The following STK33 variants were observed in gnomAD, a reference collection of about 807,000 sequenced individuals.
STK33 encodes serine/threonine kinase 33, also known as serine/threonine-protein kinase 33.
Under a neutral mutation model 58.0 loss-of-function variants are expected in STK33, and 52 were observed. The ratio of observed to expected loss-of-function variants is 0.90; its 90% CI spans 0.72 to 1.13. The LOEUF (loss-of-function observed/expected upper bound fraction) is 1.13, where lower values mean the gene tolerates loss of function less well. Ranked by LOEUF, STK33 falls within the 50% of genes most tolerant of loss-of-function variation. The probability of loss-of-function intolerance (pLI) is 0.00; values close to 1 mark genes in which losing one functional copy is unlikely to be tolerated. For missense variants in STK33, 630 were observed against 604.2 expected, an observed-to-expected ratio of 1.04 and a Z score of -0.45; for synonymous variants, 215 against 200.1, an observed-to-expected ratio of 1.07 and a Z score of -0.63.
chr11:8,546,060 T>C (rs956262638), intron 1 of STK33, among the ~76,000 whole-genome samples: 9 of 152,104 alleles, frequency 5.9e-5, no homozygotes, highest in Non-Finnish European at 1.3e-4. Context: ...ATAGAAAAGG[T>C]ATAGTAAAAA....
chr11:8,458,392 G>T (rs1276195876), intron 8 of STK33, among the ~76,000 whole-genome samples: 1 of 149,486 alleles, frequency 6.7e-6, no homozygotes, highest in Non-Finnish European at 1.5e-5. Flanking sequence ...CAACCATTTG[G>T]AAATGCAGAA....
At chr11:8,423,256 T>C (rs964448381) in intron 14 of STK33, among the ~76,000 whole-genome samples, 2 of 151,916 alleles carry the variant, frequency 1.3e-5, no homozygotes, top group African/African-American at 4.8e-5. Flanking sequence ...TTCTATTTAG[T>C]TGATTTTCGC....
At chr11:8,587,546 A>G (rs2031894871) in intron 1 of STK33, among the ~76,000 whole-genome samples, 1 of 151,460 alleles carries the variant, frequency 6.6e-6, no homozygotes, top group East Asian at 1.9e-4. Flanking sequence ...CCACGGCTCA[A>G]CTGGATCACA....
intron 9 of STK33, among the ~76,000 whole-genome samples, chr11:8,457,004 CA>C (rs1384601939): frequency 1.3e-5 from 2 of 151,854 alleles, no homozygotes; most frequent in South Asian, 4.2e-4. Flanking sequence ...TCTACAAAGA[CA>C]AAAAAATGCC....
the STK33 span, among the ~76,000 whole-genome samples, chr11:8,338,243 G>T: frequency 6.6e-6 from 1 of 152,122 alleles, no homozygotes; most frequent in South Asian, 2.1e-4. Context: ...AGCCTCCAGA[G>T]GGCGCCACAC....
the STK33 span, among the ~76,000 whole-genome samples, chr11:8,335,500 G>T: frequency 6.6e-6 from 1 of 152,112 alleles, no homozygotes; most frequent in African/African-American, 2.4e-5. Context: ...AGGCAAGTCT[G>T]GTCTCTCCTG....
intron 1 of STK33, among the ~76,000 whole-genome samples, chr11:8,524,039 CAT>C (rs774457680): frequency 3.3e-5 from 5 of 152,200 alleles, no homozygotes; most frequent in Non-Finnish European, 5.9e-5. Context: ...CTCTCTGAAA[CAT>C]GTGCTGTGTC....
downstream of STK33, among the ~76,000 whole-genome samples, chr11:8,387,239 G>A (rs1348138486): frequency 6.6e-6 from 1 of 152,220 alleles, no homozygotes; most frequent in East Asian, 1.9e-4. Flanking sequence ...AGGTGTTTGT[G>A]AGTTGCTCGG....
chr11:8,370,571 C>T, the STK33 span, among the ~76,000 whole-genome samples: 12 of 152,306 alleles, frequency 7.9e-5, no homozygotes, highest in African/African-American at 2.9e-4. Context: ...GAGGGCAGCA[C>T]TGGGCCCAAA....
intron 15 of STK33, among the ~76,000 whole-genome samples, chr11:8,398,937 C>T (rs1849871309): frequency 1.3e-5 from 2 of 152,176 alleles, no homozygotes; most frequent in Admixed American, 6.5e-5. Context: ...TATATATGCA[C>T]CCAATACAGG....
At chr11:8,535,467 C>T (rs1024071902) in intron 1 of STK33, among the ~76,000 whole-genome samples, 4 of 152,000 alleles carry the variant, frequency 2.6e-5, no homozygotes, top group Non-Finnish European at 4.4e-5. Flanking sequence ...CTACAAATGG[C>T]CAACACATGT....
chr11:8,397,273 G>A (rs565883051), intron 15 of STK33, among the ~76,000 whole-genome samples: 40 of 152,310 alleles, frequency 2.6e-4, no homozygotes, highest in African/African-American at 8.9e-4. Context: ...ACTTCCAGAG[G>A]AATGATCAGG....
downstream of STK33, among the ~76,000 whole-genome samples, chr11:8,388,780 C>T (rs111483517): frequency 6.6e-6 from 1 of 152,122 alleles, no homozygotes; most frequent in South Asian, 2.1e-4. Flanking sequence ...CTTTAGGCTC[C>T]CAAACCTTGA....
At chr11:8,436,538 T>A (rs1944088317) in intron 12 of STK33, among the ~76,000 whole-genome samples, 1 of 152,140 alleles carries the variant, frequency 6.6e-6, no homozygotes, top group African/African-American at 2.4e-5. Flanking sequence ...GGTAATACCT[T>A]AAGGAACATA....
At chr11:8,455,445 T>G (rs952413937) in intron 9 of STK33, among the ~76,000 whole-genome samples, 4 of 152,188 alleles carry the variant, frequency 2.6e-5, no homozygotes, top group African/African-American at 4.8e-5. Flanking sequence ...CAAATAACCA[T>G]GTACCAAACA....
At chr11:8,397,182 C>T (rs1000153055) in intron 15 of STK33, among the ~76,000 whole-genome samples, 1 of 152,218 alleles carries the variant, frequency 6.6e-6, no homozygotes, top group Non-Finnish European at 1.5e-5. Flanking sequence ...GGTCCCTGAC[C>T]CCTGAGTAGC....
chr11:8,528,938 A>G (rs1395890404), intron 1 of STK33, among the ~76,000 whole-genome samples: 1 of 152,230 alleles, frequency 6.6e-6, no homozygotes, highest in African/African-American at 2.4e-5. Flanking sequence ...TAATCTTTAC[A>G]ATACCACTAT....
chr11:8,370,624 C>T, the STK33 span, among the ~76,000 whole-genome samples: 4 of 152,172 alleles, frequency 2.6e-5, no homozygotes, highest in Admixed American at 6.5e-5. Flanking sequence ...CCCAGACCTC[C>T]AACAGGGGAC....
At chr11:8,353,440 C>T in the STK33 span, among the ~76,000 whole-genome samples, 1 of 152,208 alleles carries the variant, frequency 6.6e-6, no homozygotes, top group Non-Finnish European at 1.5e-5. Flanking sequence ...AGCTGCCTCC[C>T]TTGGGGGACA....
Sources: gnomAD v4.1 joint callset for allele counts (sites outside exome capture counted in the v4.1 genomes callset) on GRCh38, gnomAD v4.1.1 for gene constraint, MANE v1.5 for transcripts, NCBI Gene and HGNC (gene_info 2026-07-23, HGNC 2026-07-21) for gene names.